TCF4: variants seen among roughly 807,000 people sequenced by gnomAD.
The protein encoded by TCF4 is transcription factor 4, also known as SL3-3 enhancer factor 2.
A neutral mutation model predicts 82.1 loss-of-function variants in TCF4; 3 were observed. The ratio of observed to expected loss-of-function variants is 0.04; its 90% confidence interval spans 0.02 to 0.09. TCF4 has a LOEUF of 0.09. Ranked by LOEUF, TCF4 falls within the 10% of genes least tolerant of loss-of-function variation. The pLI, the probability that TCF4 is intolerant of heterozygous loss-of-function variation, is 1.00. For synonymous variants in TCF4, 276 were observed against 309.6 expected (o/e 0.89, Z 1.14); for missense variants, 518 against 852.7 (o/e 0.61, Z 4.89).
At chr18:55,251,682 G>A (rs2055148949) in intron 15 of TCF4, among the ~76,000 whole-genome samples, 1 of 152,172 alleles carries the variant, frequency 6.6e-6, no homozygotes, top group African/African-American at 2.4e-5. Flanking sequence ...ACAAAACCGG[G>A]ACTGGGATGA....
At chr18:55,573,335 C>T (rs956768131) in intron 3 of TCF4, among the ~76,000 whole-genome samples, 1 of 151,094 alleles carries the variant, frequency 6.6e-6, no homozygotes, top group African/African-American at 2.4e-5. Context: ...ACTATGAATG[C>T]TCCCCAATGA....
chr18:55,340,498 C>G (rs545229347), intron 8 of TCF4, among the ~76,000 whole-genome samples: 1 of 149,452 alleles, frequency 6.7e-6, no homozygotes, highest in East Asian at 2.0e-4. Context: ...GTGGGAGGAC[C>G]GCTTGAGCCT....
intron 2 of TCF4, among the ~76,000 whole-genome samples, chr18:55,600,522 A>G (rs1378598982): frequency 6.6e-6 from 1 of 152,052 alleles, no homozygotes; most frequent in African/African-American, 2.4e-5. Flanking sequence ...GTACACATGG[A>G]CTCCAATATT....
intron 2 of TCF4, among the ~76,000 whole-genome samples, chr18:55,620,566 C>T (rs770673588): frequency 3.9e-5 from 6 of 152,142 alleles, no homozygotes; most frequent in Non-Finnish European, 7.3e-5. Flanking sequence ...CTCTGTTCTA[C>T]GAACTCAGGT....
At chr18:55,500,990 T>C (rs1261223185) in intron 3 of TCF4, among the ~76,000 whole-genome samples, 1 of 152,194 alleles carries the variant, frequency 6.6e-6, no homozygotes, top group Non-Finnish European at 1.5e-5. Flanking sequence ...TATAAATCAA[T>C]GTATAATGAT....
At chr18:55,375,738 T>C (rs1022199257) in intron 6 of TCF4, among the ~76,000 whole-genome samples, 1 of 151,520 alleles carries the variant, frequency 6.6e-6, no homozygotes, top group Non-Finnish European at 1.5e-5. Flanking sequence ...AGCTAACCAA[T>C]GAAAAAATCA....
chr18:55,585,129 T>C, intron 3 of TCF4, 151 bp downstream of exon 3: 3 of 723,402 alleles, frequency 4.1e-6, no homozygotes, highest in Non-Finnish European at 2.5e-6. Flanking sequence ...TTGTGTAAGT[T>C]ATACCACTGA....
intron 6 of TCF4, among the ~76,000 whole-genome samples, chr18:55,389,317 T>C (rs1182329782): frequency 2.0e-5 from 3 of 152,172 alleles, no homozygotes; most frequent in Admixed American, 6.5e-5. Context: ...TGGGTGCCCC[T>C]GTTAGACACT....
intron 15 of TCF4, among the ~76,000 whole-genome samples, chr18:55,251,935 T>G (rs1217846128): frequency 2.0e-5 from 3 of 151,036 alleles, no homozygotes; most frequent in Non-Finnish European, 3.0e-5. Context: ...ATGAGGTTTT[T>G]TTTTTTTTTT....
intron 6 of TCF4, among the ~76,000 whole-genome samples, chr18:55,380,448 G>C (rs913829455): frequency 4.6e-5 from 7 of 151,824 alleles, no homozygotes; most frequent in African/African-American, 1.7e-4. Flanking sequence ...GCCCCAGTGT[G>C]TCTTCCTCTT....
chr18:55,455,179 C>CAAAAAAAAAAAAA (rs35889370), intron 5 of TCF4, among the ~76,000 whole-genome samples: 18 of 67,460 alleles, frequency 2.7e-4, no homozygotes, highest in African/African-American at 5.0e-4. Flanking sequence ...GACTCTGTCT[C>CAAAAAAAAAAAAA]AAAAAAAAAA....
rs528154269 is a variant in TCF4, at chr18:55,451,431, T to C, written c.304+9588A>G. Among the ~76,000 whole-genome samples, 4 of 152,260 alleles carry C rather than the reference T, an allele frequency of 2.6e-5. No individual in the cohort carries two copies. The East Asian group carries it at 5.8e-4, about 22-fold the overall frequency. On this transcript the variant is annotated intron_variant, in intron 5 of 19. Transcript: ENST00000354452. ...AATTTGCCCAATGTCCCATCACCCA[T>C]CACTAGGAAGTGAAAAGCCAAGAAT...
At chr18:55,498,728 T>C (rs2958188) in intron 3 of TCF4, among the ~76,000 whole-genome samples, 92,044 of 152,010 alleles carry the variant, frequency 0.61, 28,294 homozygotes, top group African/African-American at 0.71. Flanking sequence ...CTAGCACCAA[T>C]GGCTTAGTGT....
intron 2 of TCF4, among the ~76,000 whole-genome samples, chr18:55,618,493 TAGTC>T (rs2097714373): frequency 6.6e-6 from 1 of 152,188 alleles, no homozygotes; most frequent in African/African-American, 2.4e-5. Flanking sequence ...TCTTTTTTGT[TAGTC>T]TATCTAAGGG....
chr18:55,602,572 C>T (rs1010575102), intron 2 of TCF4, among the ~76,000 whole-genome samples: 1 of 152,100 alleles, frequency 6.6e-6, no homozygotes, highest in African/African-American at 2.4e-5. Flanking sequence ...TTTCATATTC[C>T]AAATCTCAAT....
intron 3 of TCF4, among the ~76,000 whole-genome samples, chr18:55,498,745 A>C (rs1291423674): frequency 2.0e-5 from 3 of 152,270 alleles, no homozygotes; most frequent in African/African-American, 7.2e-5. Flanking sequence ...GTGTTGTAAG[A>C]GTGTCTTTGC....
At chr18:55,253,915 G>A (rs189866401) in intron 15 of TCF4, among the ~76,000 whole-genome samples, 1 of 152,056 alleles carries the variant, frequency 6.6e-6, no homozygotes, top group African/African-American at 2.4e-5. Context: ...CATCCTCAAG[G>A]GAAACATGTG....
intron 2 of TCF4, among the ~76,000 whole-genome samples, chr18:55,593,742 A>G (rs2097688087): frequency 6.6e-6 from 1 of 152,174 alleles, no homozygotes; most frequent in Non-Finnish European, 1.5e-5. Context: ...CTGATGCTCT[A>G]ATGAAATTCA....
chr18:55,445,688 T>C (rs2095513749), intron 5 of TCF4, among the ~76,000 whole-genome samples: 1 of 152,210 alleles, frequency 6.6e-6, no homozygotes, highest in Non-Finnish European at 1.5e-5. Flanking sequence ...TCCCTTCCTC[T>C]GTGGTACTAC....
Sources: gnomAD v4.1 joint callset for allele counts (sites outside exome capture counted in the v4.1 genomes callset) on GRCh38, gnomAD v4.1.1 for gene constraint, MANE v1.5 for transcripts, NCBI Gene and HGNC (gene_info 2026-07-23, HGNC 2026-07-21) for gene names.